CFAP221: variants seen among roughly 807,000 people sequenced by gnomAD.
The protein encoded by CFAP221 is cilia and flagella associated protein 221.
Under a neutral mutation model 113.1 loss-of-function variants are expected in CFAP221, and 97 were observed. The observed-to-expected ratio is 0.86, with a 90% CI of 0.73 to 1.02. CFAP221 has a LOEUF of 1.02. Among genes scored for constraint, CFAP221 ranks in the 50% least tolerant of loss-of-function variants. The probability of loss-of-function intolerance (pLI) is 0.00; values close to 1 mark genes in which losing one functional copy is unlikely to be tolerated. For synonymous variants in CFAP221, 331 were observed against 354.4 expected (o/e 0.93, Z 0.74); for missense variants, 1,025 against 1,013.4 (o/e 1.01, Z -0.16).
intron 14 of CFAP221, among the ~76,000 whole-genome samples, chr2:119,616,565 C>T (rs970266118): frequency 3.9e-5 from 6 of 152,160 alleles, no homozygotes; most frequent in African/African-American, 4.8e-5. Context: ...CAGGATAAAA[C>T]GAAGACTTCT....
chr2:119,548,568 C>T (rs1031502035), intron 2 of CFAP221, among the ~76,000 whole-genome samples: 12 of 152,114 alleles, frequency 7.9e-5, no homozygotes, highest in African/African-American at 1.2e-4. Flanking sequence ...CTTACTGTTC[C>T]GAGTGATAAC....
At chr2:119,614,656 CTCTA>C (rs953878046) in intron 13 of CFAP221, among the ~76,000 whole-genome samples, 1 of 152,218 alleles carries the variant, frequency 6.6e-6, no homozygotes, top group Non-Finnish European at 1.5e-5. Flanking sequence ...ATTCAATTAT[CTCTA>C]TCTGGTCCCT....
chr2:119,629,984 T>C, intron 17 of CFAP221, 29 bp downstream of exon 17: 12 of 1,534,856 alleles, frequency 7.8e-6, no homozygotes, highest in East Asian at 6.8e-5. Flanking sequence ...ATTAATTAAT[T>C]GAGTTTCTTA....
Position 119,569,270 on chromosome 2 carries a change from C to G in CFAP221, c.527+7156C>G, listed in dbSNP as rs186750033. Among the ~76,000 whole-genome samples, 247 of 152,148 alleles carry G rather than the reference C, an allele frequency of 1.6e-3. 1 individual carries two copies. Among genetic ancestry groups the G allele is most frequent in the African/African-American group, 5.5e-3 (228 of 41,492 alleles). On this transcript the variant is annotated intron_variant, in intron 6 of 23. Transcript: ENST00000413369. ...TGCCTCAGGGACTACAGGCACCCAC[C>G]ACCACACCCAGCTAATTTTTTGTAT...
Position 119,615,675 on chromosome 2 carries a change from G to GT in CFAP221, c.1376_1377insT (p.Arg459SerfsTer28). The GT allele has an allele frequency of 6.2e-7, 1 of 1,612,934 alleles. No individual in the cohort carries two copies. The highest frequency in any genetic ancestry group is 1.3e-5 in the African/African-American group (1 of 74,974). On this transcript the variant is annotated frameshift_variant, in exon 14 of 24. Coordinates refer to ENST00000413369, the MANE Select transcript of CFAP221 (RefSeq NM_001271049.2). LOFTEE classifies it high-confidence loss of function. ...AATAACACTTGGCTCAGCAGGTCCA[G>GT]GGCACAAAAACGGTTTCAACAAGTA...
chr2:119,581,378 T>C (rs1017526103), intron 6 of CFAP221, among the ~76,000 whole-genome samples: 1 of 152,082 alleles, frequency 6.6e-6, no homozygotes, highest in African/African-American at 2.4e-5. Context: ...ATCAGATAGA[T>C]AAAAAGAACC....
intron 3 of CFAP221, among the ~76,000 whole-genome samples, chr2:119,554,921 T>C (rs955698800): frequency 1.3e-5 from 2 of 152,174 alleles, no homozygotes; most frequent in African/African-American, 4.8e-5. Flanking sequence ...GCCAAAGTGT[T>C]GTGTTTGAAG....
chr2:119,546,052 T>C (rs1002810952), intron 1 of CFAP221, 33 bp from the exon 2 acceptor site: 35 of 1,397,732 alleles, frequency 2.5e-5, no homozygotes, highest in Non-Finnish European at 3.1e-5. Flanking sequence ...TGGTTTCTCA[T>C]GGATGATTAT....
intron 15 of CFAP221, 36 bp downstream of exon 15, chr2:119,625,724 C>G (rs781717176): frequency 6.6e-7 from 1 of 1,517,624 alleles, no homozygotes; most frequent in East Asian, 2.3e-5. Context: ...GATGCCGAGA[C>G]TGATCATGCC....
downstream of CFAP221, among the ~76,000 whole-genome samples, chr2:119,658,539 C>A (rs1490611133): frequency 6.6e-6 from 1 of 152,070 alleles, no homozygotes; most frequent in African/African-American, 2.4e-5. Context: ...CTTGTTGCTA[C>A]TGTGGTCCAA....
At position 119,651,977 on chromosome 2, in the gene CFAP221, G is replaced by C; in HGVS notation, c.2322G>C (p.Glu774Asp). Residue 774 changes from glutamate (E) to aspartate (D), a missense_variant, in exon 23 of 24, where the codon GAG becomes GAC. Glu to Asp is a conservative substitution (Grantham distance 45). Transcript: ENST00000413369. ...EEDRLETVER[E>D]LCEQNVEVML... ...TAAACATCTTATTACTTTGCAGTGA[G>C]CTCTGTGAGCAGAATGTAGAAGTTA... is the stretch of plus-strand genomic sequence containing the variant. 6.2e-7 allele frequency: 1 copy of C among 1,610,460 alleles called. No individual in the cohort carries two copies. Among genetic ancestry groups the C allele is most frequent in the Non-Finnish European group, 8.5e-7 (1 of 1,178,140 alleles).
At chr2:119,602,169 C>G (rs940724624) in intron 8 of CFAP221, among the ~76,000 whole-genome samples, 3 of 152,138 alleles carry the variant, frequency 2.0e-5, no homozygotes, top group Non-Finnish European at 4.4e-5. Context: ...CACCTGAGGT[C>G]AGGCTTTCAA....
chr2:119,604,642 T>C, intron 8 of CFAP221, 30 bp from the exon 9 acceptor site: 2 of 1,505,706 alleles, frequency 1.3e-6, no homozygotes, highest in East Asian at 2.4e-5. Flanking sequence ...ATGGCTTATT[T>C]ACTAATTTAA....
At chr2:119,557,977 A>G (rs1413785913) in intron 3 of CFAP221, among the ~76,000 whole-genome samples, 5 of 145,328 alleles carry the variant, frequency 3.4e-5, no homozygotes, top group Admixed American at 2.7e-4. Flanking sequence ...AAAAAAAAAA[A>G]GCACCCCTAG....
At chr2:119,606,983 T>C (rs911441165) in intron 11 of CFAP221, among the ~76,000 whole-genome samples, 8 of 152,106 alleles carry the variant, frequency 5.3e-5, no homozygotes, top group Non-Finnish European at 7.4e-5. Context: ...CACCCCAAAA[T>C]ACTTCAGTAT....
At chr2:119,589,984 G>A (rs1282652158) in intron 7 of CFAP221, 1 of 152,134 alleles carries the variant, frequency 6.6e-6, no homozygotes, top group Non-Finnish European at 1.5e-5. Context: ...TATTGACCAA[G>A]ATCTTATTAG....
At chr2:119,567,404 A>G (rs1013945811) in intron 6 of CFAP221, among the ~76,000 whole-genome samples, 1 of 152,170 alleles carries the variant, frequency 6.6e-6, no homozygotes, top group Non-Finnish European at 1.5e-5. Context: ...GCTTTCACTT[A>G]AAATATGCAT....
chr2:119,614,469 G>C (rs893940297), intron 13 of CFAP221, among the ~76,000 whole-genome samples: 2 of 152,202 alleles, frequency 1.3e-5, no homozygotes, highest in Non-Finnish European at 2.9e-5. Context: ...GGCTGGGGAG[G>C]CCTCAGGAAA....
chr2:119,562,850 C>A (rs910085608), intron 6 of CFAP221, among the ~76,000 whole-genome samples: 7 of 152,134 alleles, frequency 4.6e-5, no homozygotes, highest in African/African-American at 1.7e-4. Flanking sequence ...ATGCTCTAAT[C>A]CCTTATGTCA....
Sources: allele counts gnomAD v4.1 joint callset (sites outside exome capture counted in the v4.1 genomes callset), GRCh38; gene constraint gnomAD v4.1.1; transcripts MANE v1.5; gene names NCBI Gene and HGNC (gene_info 2026-07-23, HGNC 2026-07-21).